The following HDGFL3 variants were observed in gnomAD, a reference collection of about 807,000 sequenced individuals.
HDGFL3 encodes the protein HDGF like 3.
Under a neutral mutation model 27.6 loss-of-function variants are expected in HDGFL3, and 6 were observed. That is an observed-to-expected ratio of 0.22 (90% CI 0.12 to 0.43). The LOEUF is 0.43. HDGFL3 is among the 20% of genes least tolerant of loss of function. The pLI is 1.00. For synonymous variants in HDGFL3, 88 were observed against 88.9 expected (o/e 0.99, Z 0.05); for missense variants, 207 against 250.1 (o/e 0.83, Z 1.16).
downstream of HDGFL3, chr15:83,126,606 T>C: frequency 5.0e-6 from 3 of 603,426 alleles, no homozygotes; most frequent in Non-Finnish European, 8.6e-6. Context: ...ATCTGCAAAA[T>C]ATTTCCATCA....
At position 83,161,207 on chromosome 15, in the gene HDGFL3, T is replaced by C. The variant is rs746250636; in HGVS notation, c.161+2792A>G. ...TACTTGATGCTAATCAGGGCTTGCC[T>C]ATACTTATTTTTTTGGGCAGGGGAG... On this transcript the variant is annotated intron_variant, in intron 2 of 5. Coordinates refer to ENST00000299633, the MANE Select transcript of HDGFL3 (RefSeq NM_016073.4). Among the ~76,000 whole-genome samples the C allele has an allele frequency of 4.4e-4, 67 of 152,216 alleles. 1 individual carries two copies. The highest frequency in any genetic ancestry group is 1.6e-4 in the Non-Finnish European group (11 of 68,046).
chr15:83,114,722 TC>T (rs1043124602), exon 4 of HDGFL3: 96 of 152,424 alleles, frequency 6.3e-4, no homozygotes, highest in African/African-American at 2.1e-3. Flanking sequence ...ATCAGATTTT[TC>T]TTCTGTCCAT....
chr15:83,117,892 T>C (rs1485830170), intron 3 of HDGFL3, among the ~76,000 whole-genome samples: 1 of 152,056 alleles, frequency 6.6e-6, no homozygotes, highest in African/African-American at 2.4e-5. Context: ...ATAGCTGTGG[T>C]CCAGTGAGGG....
intron 1 of HDGFL3, among the ~76,000 whole-genome samples, chr15:83,184,171 A>G (rs1373514746): frequency 6.6e-6 from 1 of 152,228 alleles, no homozygotes; most frequent in Non-Finnish European, 1.5e-5. Flanking sequence ...CAAAAATGAT[A>G]TGCGATATCA....
intron 1 of HDGFL3, among the ~76,000 whole-genome samples, chr15:83,168,016 C>G (rs1451291754): frequency 2.0e-5 from 3 of 152,266 alleles, no homozygotes; most frequent in East Asian, 3.9e-4. Context: ...CTCTCAAAAT[C>G]ACAAATTACA....
intron 1 of HDGFL3, among the ~76,000 whole-genome samples, chr15:83,197,716 C>G (rs1596569255): frequency 2.0e-5 from 3 of 152,228 alleles, no homozygotes; most frequent in African/African-American, 7.2e-5. Context: ...ACTAGTTTGT[C>G]AAACACTGTA....
intron 5 of HDGFL3, among the ~76,000 whole-genome samples, chr15:83,142,845 T>A (rs1258119591): frequency 1.3e-5 from 2 of 152,224 alleles, no homozygotes; most frequent in Non-Finnish European, 2.9e-5. Flanking sequence ...TGCAAAAATG[T>A]AAAAATGTCT....
At chr15:83,113,616 C>T (rs1432861456) in exon 4 of HDGFL3, 2 of 152,462 alleles carry the variant, frequency 1.3e-5, no homozygotes, top group African/African-American at 4.8e-5. Context: ...ACCCCAAGTC[C>T]TACAGCAACA....
rs141448328 is a variant in HDGFL3 at position 83,170,382 on chromosome 15, T to C, written c.85-6307A>G. On this transcript the variant is annotated intron_variant, in intron 1 of 5. Coordinates refer to ENST00000299633, the MANE Select transcript of HDGFL3 (RefSeq NM_016073.4). Reference sequence around the variant, plus strand: ...GTACAAAAACAGACACATAGACCAATAGAATAGAAAAGAGAACCCAGAAAT... The same window carrying C: ...GTACAAAAACAGACACATAGACCAACAGAATAGAAAAGAGAACCCAGAAAT... Among the ~76,000 whole-genome samples, 373 of 152,032 alleles carry C rather than the reference T, an allele frequency of 2.5e-3. 4 individuals carry two copies. Among genetic ancestry groups the C allele is most frequent in the African/African-American group, 8.2e-3 (341 of 41,446 alleles).
intron 1 of HDGFL3, among the ~76,000 whole-genome samples, chr15:83,173,273 G>T (rs1459396310): frequency 6.6e-6 from 1 of 152,144 alleles, no homozygotes; most frequent in African/African-American, 2.4e-5. Context: ...TTTCAGCACA[G>T]AATTATTCAA....
rs745906663 is a variant in HDGFL3 at position 83,139,257 on chromosome 15, T to C, written c.*13A>G. ...TTGTGGTTTCTCTTAATATGCAGCATTCATTATGGTAGTTAGGTCTGTAAA... is the reference window on the plus strand; with the variant it reads ...TTGTGGTTTCTCTTAATATGCAGCACTCATTATGGTAGTTAGGTCTGTAAA... On this transcript the variant is annotated 3_prime_UTR_variant, in exon 6 of 6. Transcript: ENST00000299633. 6.9e-7 allele frequency: 1 copy of C among 1,447,452 alleles called. No individual in the cohort carries two copies. Among genetic ancestry groups the C allele is most frequent in the Non-Finnish European group, 9.2e-7 (1 of 1,083,420 alleles). The allele number at this position is 1,447,452 out of a possible 1,614,324, so 89.7% of individuals were successfully genotyped here.
chr15:83,191,971 C>T (rs1188915869), intron 1 of HDGFL3, among the ~76,000 whole-genome samples: 3 of 106,980 alleles, frequency 2.8e-5, no homozygotes, highest in South Asian at 6.1e-4. Context: ...GACAGAGTTT[C>T]GCTCTTGTCA....
intron 1 of HDGFL3, among the ~76,000 whole-genome samples, chr15:83,176,462 T>C (rs904806749): frequency 6.6e-6 from 1 of 152,156 alleles, no homozygotes; most frequent in African/African-American, 2.4e-5. Context: ...ACTAAGGGGA[T>C]ATACAGATTA....
At chr15:83,142,660 A>T (rs968161348) in intron 5 of HDGFL3, among the ~76,000 whole-genome samples, 1 of 151,006 alleles carries the variant, frequency 6.6e-6, no homozygotes, top group Non-Finnish European at 1.5e-5. Context: ...CCTGAAGTTT[A>T]AAAAAAAAGC....
chr15:83,164,630 T>C (rs902523457), intron 1 of HDGFL3, among the ~76,000 whole-genome samples: 2 of 152,222 alleles, frequency 1.3e-5, no homozygotes, highest in Admixed American at 6.5e-5. Context: ...AATCTGTCTA[T>C]AGCTTCTCAT....
At chr15:83,119,014 C>T (rs2034965953) in intron 3 of HDGFL3, among the ~76,000 whole-genome samples, 2 of 152,158 alleles carry the variant, frequency 1.3e-5, no homozygotes, top group South Asian at 2.1e-4. Context: ...GTAAAATGGA[C>T]TCAATCCTGT....
intron 4 of HDGFL3, among the ~76,000 whole-genome samples, chr15:83,154,925 G>A (rs147080079): frequency 4.6e-5 from 7 of 152,182 alleles, no homozygotes; most frequent in African/African-American, 1.4e-4. Flanking sequence ...CTGGAGGGCC[G>A]TGGCATGATC....
At chr15:83,123,878 G>A (rs945771895), downstream of HDGFL3, among the ~76,000 whole-genome samples, 4 of 152,208 alleles carry the variant, frequency 2.6e-5, no homozygotes, top group African/African-American at 9.6e-5. Context: ...GGCCAAGCAG[G>A]CATTGTCATA....
In HDGFL3 at chr15:83,207,277, T is replaced by C. The variant is rs1241248863; in HGVS notation, c.84+54A>G. The C allele has an allele frequency of 7.5e-6, 9 of 1,207,674 alleles. No homozygotes were observed. The highest frequency in any genetic ancestry group is 9.6e-6 in the Non-Finnish European group (9 of 932,912). The allele number at this position is 1,207,674 out of a possible 1,614,324, so 74.8% of individuals were successfully genotyped here. A position where few individuals can be genotyped will look rare whatever the true frequency, so the allele number is the denominator to read the frequency against. ...ATGGGGAAAGGGGGCGGGCGCGCCATCATGAAGGGGAAAATGGTGGGCGGG... is the reference window on the plus strand; with the variant it reads ...ATGGGGAAAGGGGGCGGGCGCGCCACCATGAAGGGGAAAATGGTGGGCGGG... On this transcript the variant is annotated intron_variant, in intron 1 of 5. Transcript: ENST00000299633. The surrounding 1 kb of genome is among the most constrained non-coding windows in gnomAD (Gnocchi z 4.8).
Sources: gnomAD v4.1 joint callset for allele counts (sites outside exome capture counted in the v4.1 genomes callset) on GRCh38, gnomAD v4.1.1 for gene constraint, Gnocchi (gnomAD v3.1) non-coding constraint, MANE v1.5 for transcripts, NCBI Gene and HGNC (gene_info 2026-07-23, HGNC 2026-07-21) for gene names.